The following GALNT13 variants were observed in gnomAD, a reference collection of about 807,000 sequenced individuals.
GALNT13 encodes the protein polypeptide N-acetylgalactosaminyltransferase 13.
A neutral mutation model predicts 64.2 loss-of-function variants in GALNT13; 28 were observed. The ratio of observed to expected loss-of-function variants is 0.44; its 90% CI spans 0.32 to 0.60. GALNT13 has a LOEUF of 0.60. Among genes scored for constraint, GALNT13 ranks in the 20% least tolerant of loss-of-function variants. The probability of loss-of-function intolerance (pLI) is 0.05; values close to 1 mark genes in which losing one functional copy is unlikely to be tolerated. For synonymous variants in GALNT13, 214 were observed against 224.6 expected, an observed-to-expected ratio of 0.95 and a Z score of 0.42; for missense variants, 577 against 669.8, an observed-to-expected ratio of 0.86 and a Z score of 1.53.
Position 154,450,558 on chromosome 2 carries a change from T to A in GALNT13, c.*7T>A. ...CATGACCTTGGGCACATGAAGATCA[T>A]GTCCTCCAAGCCATGAAAGTGTCTA... On this transcript the variant is annotated 3_prime_UTR_variant, in exon 13 of 13. Transcript: ENST00000392825. 6.3e-7 allele frequency: 1 copy of A among 1,592,480 alleles called. No individual in the cohort carries two copies. Among genetic ancestry groups the A allele is most frequent in the Non-Finnish European group, 8.5e-7 (1 of 1,172,364 alleles).
the GALNT13 span, among the ~76,000 whole-genome samples, chr2:153,190,339 T>G: frequency 2.0e-5 from 3 of 152,124 alleles, no homozygotes; most frequent in Middle Eastern, 3.4e-3. Context: ...TTGAAGAGAG[T>G]GTCTTTCCCT....
Position 154,343,817 on chromosome 2 carries a change from A to T in GALNT13, c.1156+42228A>T, listed in dbSNP as rs1281370693. Among the ~76,000 whole-genome samples, 5 of 152,114 alleles carry T rather than the reference A, an allele frequency of 3.3e-5. No homozygotes were observed. The East Asian group carries it at 7.7e-4, about 23-fold the overall frequency. Reference sequence around the variant, plus strand: ...ATGAAATGAGGTAATAGATTAAGAAAATATTTAAAAAACTTTATGAGCTAT... The same window carrying T: ...ATGAAATGAGGTAATAGATTAAGAATATATTTAAAAAACTTTATGAGCTAT... On this transcript the variant is annotated intron_variant, in intron 9 of 12. Transcript: ENST00000392825.
chr2:153,916,101 G>C (rs920778494), intron 2 of GALNT13, among the ~76,000 whole-genome samples: 3 of 149,904 alleles, frequency 2.0e-5, no homozygotes, highest in Admixed American at 2.0e-4. Context: ...CCTTCCTTCT[G>C]TCCTTCCTTC....
chr2:153,751,964 C>A, the GALNT13 span, among the ~76,000 whole-genome samples: 2 of 151,262 alleles, frequency 1.3e-5, no homozygotes, highest in South Asian at 4.2e-4. Context: ...ATATGATTTT[C>A]TTTCTTGCTT....
the GALNT13 span, among the ~76,000 whole-genome samples, chr2:153,637,285 T>C: frequency 6.6e-6 from 1 of 152,156 alleles, no homozygotes. Flanking sequence ...TTGAATATTC[T>C]AACTGGAAGG....
At chr2:153,426,189 C>G in the GALNT13 span, among the ~76,000 whole-genome samples, 3 of 151,800 alleles carry the variant, frequency 2.0e-5, no homozygotes, top group African/African-American at 4.8e-5. Flanking sequence ...TGCCATTAAT[C>G]AGCATTGGAG....
rs777061705 is a variant in GALNT13, at chr2:154,450,505, G to A, written c.1625G>A (p.Ser542Asn). Residue 542 changes from serine to asparagine, a missense_variant, in exon 13 of 13, where the codon AGC becomes AAC. Ser to Asn is a conservative substitution (Grantham distance 46, BLOSUM62 1). Coordinates refer to ENST00000392825, the MANE Select transcript of GALNT13 (RefSeq NM_052917.4). ...CCTACAATGCAGGACTGTAGTGGAA[G>A]CAGATCCCAACAGTGGCTGCTAAGG... ...MVPTMQDCSG[S>N]RSQQWLLRNM... The A allele has an allele frequency of 6.2e-7, 1 of 1,612,390 alleles. No individual in the cohort carries two copies. Among genetic ancestry groups the A allele is most frequent in the South Asian group, 1.1e-5 (1 of 90,966 alleles).
At chr2:154,060,047 G>A (rs1298881714) in intron 3 of GALNT13, among the ~76,000 whole-genome samples, 1 of 152,160 alleles carries the variant, frequency 6.6e-6, no homozygotes, top group Non-Finnish European at 1.5e-5. Flanking sequence ...TAGGGCCCCT[G>A]TAGTGGGATT....
intron 8 of GALNT13, among the ~76,000 whole-genome samples, chr2:154,286,311 C>T (rs945805196): frequency 3.2e-4 from 49 of 152,150 alleles, no homozygotes; most frequent in African/African-American, 8.9e-4. Flanking sequence ...TAGCTGTGGC[C>T]TTATCATACA....
chr2:154,245,402 A>G (rs1022679363), intron 6 of GALNT13, among the ~76,000 whole-genome samples: 1 of 152,130 alleles, frequency 6.6e-6, no homozygotes, highest in Non-Finnish European at 1.5e-5. Flanking sequence ...CCCTACTTGA[A>G]ATGCAAACTA....
At chr2:153,663,187 A>G in the GALNT13 span, among the ~76,000 whole-genome samples, 1 of 152,242 alleles carries the variant, frequency 6.6e-6, no homozygotes, top group East Asian at 1.9e-4. Flanking sequence ...CAGTAGACAT[A>G]CTTAATTTTA....
chr2:154,223,696 A>G (rs1241686753), intron 4 of GALNT13, among the ~76,000 whole-genome samples: 1 of 151,866 alleles, frequency 6.6e-6, no homozygotes, highest in African/African-American at 2.4e-5. Context: ...TTCACTTTTA[A>G]TAAATCATTT....
the GALNT13 span, among the ~76,000 whole-genome samples, chr2:153,459,204 GAACAT>G: frequency 2.7e-4 from 41 of 151,868 alleles, no homozygotes; most frequent in Non-Finnish European, 5.3e-4. Flanking sequence ...GAAAAACAGG[GAACAT>G]AACATAACAG....
At chr2:153,262,187 C>G in the GALNT13 span, among the ~76,000 whole-genome samples, 1 of 152,130 alleles carries the variant, frequency 6.6e-6, no homozygotes. Flanking sequence ...CTGAAGCCAG[C>G]AGAACTCTCA....
chr2:153,685,755 A>G, the GALNT13 span, among the ~76,000 whole-genome samples: 1 of 152,070 alleles, frequency 6.6e-6, no homozygotes, highest in Non-Finnish European at 1.5e-5. Context: ...TATGCCCTGA[A>G]TGGTATTGCC....
At chr2:153,155,076 C>T in the GALNT13 span, among the ~76,000 whole-genome samples, 3 of 152,244 alleles carry the variant, frequency 2.0e-5, no homozygotes, top group East Asian at 5.8e-4. Flanking sequence ...GTGGATGAAG[C>T]CAACTTGACT....
At chr2:153,267,144 G>A in the GALNT13 span, among the ~76,000 whole-genome samples, 19 of 152,202 alleles carry the variant, frequency 1.2e-4, no homozygotes, top group African/African-American at 4.8e-5. Context: ...CATCCAGATT[G>A]CACTGGTTTA....
chr2:154,412,761 T>C (rs989194756), intron 11 of GALNT13, among the ~76,000 whole-genome samples: 5 of 151,786 alleles, frequency 3.3e-5, no homozygotes, highest in African/African-American at 1.2e-4. Flanking sequence ...CTGCAAAAGC[T>C]AACAACTGGA....
the GALNT13 span, among the ~76,000 whole-genome samples, chr2:153,198,193 G>A: frequency 3.3e-5 from 5 of 152,138 alleles, no homozygotes; most frequent in Admixed American, 1.3e-4. Flanking sequence ...AATTGGTGCC[G>A]TGCTGCAGTT....
Sources: gnomAD v4.1 joint callset for allele counts (sites outside exome capture counted in the v4.1 genomes callset) on GRCh38, gnomAD v4.1.1 for gene constraint, MANE v1.5 for transcripts, NCBI Gene and HGNC (gene_info 2026-07-23, HGNC 2026-07-21) for gene names.